Variants in TPM3 observed in about 807,000 individuals in gnomAD.
The protein encoded by TPM3 is tropomyosin alpha-3 chain.
In TPM3, 16 loss-of-function variants were observed where a neutral mutation model predicts 43.1. The ratio of observed to expected loss-of-function variants is 0.37; its 90% CI spans 0.25 to 0.56. TPM3 has a LOEUF of 0.56. Among genes scored for constraint, TPM3 ranks in the 20% least tolerant of loss-of-function variants. The probability of loss-of-function intolerance (pLI) is 0.77; values close to 1 mark genes in which losing one functional copy is unlikely to be tolerated. For missense variants in TPM3, 176 were observed against 337.2 expected (o/e 0.52, Z 3.74); for synonymous variants, 101 against 116.9 (o/e 0.86, Z 0.88).
intron 2 of TPM3, among the ~76,000 whole-genome samples, chr1:154,181,462 A>T (rs1662938031): frequency 6.6e-6 from 1 of 152,216 alleles, no homozygotes; most frequent in Non-Finnish European, 1.5e-5. Context: ...CTTTCACTGG[A>T]TCTTGAATTT....
rs1268580173 is a variant in TPM3, at chr1:154,167,600, A to C, written c.*337T>G. The stretch of plus-strand genomic sequence containing the variant: ...ATCAGCTGAGTTTAAATGTCAAGAA[A>C]AAATAGACACACACAAAAGTGGCTT... On this transcript the variant is annotated 3_prime_UTR_variant, in exon 10 of 10. Coordinates refer to ENST00000651641, the MANE Select transcript of TPM3 (RefSeq NM_152263.4). 3 of 1,214,458 alleles carry C rather than the reference A, an allele frequency of 2.5e-6. No homozygotes were observed. The African/African-American group carries it at 4.5e-5, about 18-fold the overall frequency. The allele number at this position is 1,214,458 out of a possible 1,614,324, so 75.2% of individuals were successfully genotyped here.
At chr1:154,159,231 AAG>A (rs1335094797), downstream of TPM3, among the ~76,000 whole-genome samples, 1 of 152,248 alleles carries the variant, frequency 6.6e-6, no homozygotes, top group Non-Finnish European at 1.5e-5. Context: ...AGAGGGCAAT[AAG>A]AGTCAGTCAG....
chr1:154,171,154 G>A, intron 6 of TPM3: 2 of 595,752 alleles, frequency 3.4e-6, no homozygotes, highest in Non-Finnish European at 6.0e-6. Flanking sequence ...TAGGGCCCTT[G>A]ATTATTGCTT....
downstream of TPM3, among the ~76,000 whole-genome samples, chr1:154,159,654 G>A (rs1194541998): frequency 6.6e-6 from 1 of 152,076 alleles, no homozygotes; most frequent in Non-Finnish European, 1.5e-5. Flanking sequence ...AACAAATAGT[G>A]TGCCTAGTCC....
chr1:154,167,123 G>C lies in TPM3; in HGVS notation c.*814C>G, dbSNP rs561328710. ...GAAATATGCATGATTGGTCATTTTA[G>C]TTTTCCCAATAATAATTTATCACTT... On this transcript the variant is annotated 3_prime_UTR_variant, in exon 10 of 10. Coordinates refer to ENST00000651641, the MANE Select transcript of TPM3 (RefSeq NM_152263.4). 6.6e-6 allele frequency among the ~76,000 whole-genome samples: 1 copy of C among 152,110 alleles called. No homozygotes were observed.
chr1:154,183,392 T>G (rs1205461332), intron 2 of TPM3: 4 of 1,183,184 alleles, frequency 3.4e-6, no homozygotes, highest in Non-Finnish European at 3.4e-6. Context: ...GGGACGGGGT[T>G]GGGACGAGGG....
At chr1:154,170,362 A>G (rs376734333) in intron 8 of TPM3, 38 bp downstream of exon 8, 6 of 1,603,560 alleles carry the variant, frequency 3.7e-6, no homozygotes, top group South Asian at 3.3e-5. Flanking sequence ...GTCTTCCTCT[A>G]TATTTCTCTA....
chr1:154,183,387 G>T, intron 2 of TPM3: 2 of 1,221,142 alleles, frequency 1.6e-6, no homozygotes, highest in Non-Finnish European at 2.2e-6. Flanking sequence ...AAACTGGGAC[G>T]GGGTTGGGAC....
At chr1:154,182,989 T>A (rs1443415308) in intron 2 of TPM3, 4 of 1,610,854 alleles carry the variant, frequency 2.5e-6, no homozygotes, top group Non-Finnish European at 2.5e-6. Flanking sequence ...TCTCCGTACC[T>A]GTTCCCGGGC....
intron 5 of TPM3, chr1:154,171,968 A>AACAAAAC: frequency 6.3e-7 from 1 of 1,591,362 alleles, no homozygotes; most frequent in Admixed American, 1.7e-5. Flanking sequence ...GCAAAACAAA[A>AACAAAAC]ACAAAACAAA....
At chr1:154,169,154 CCAAA>C (rs1453007409) in intron 9 of TPM3, 147 bp downstream of exon 9, 1 of 936,914 alleles carries the variant, frequency 1.1e-6, no homozygotes, top group Non-Finnish European at 1.7e-6. Flanking sequence ...AAAGCTTTTG[CCAAA>C]CAAATAACCA....
At chr1:154,156,602 A>C (rs1453738690), downstream of TPM3, 1 of 198,648 alleles carries the variant, frequency 5.0e-6, no homozygotes, top group African/African-American at 2.3e-5. Flanking sequence ...CAGCCCACGG[A>C]CTGCAGAGGC....
rs1660579750 is a variant in TPM3, at chr1:154,163,315, G to A, written c.*4622C>T. On this transcript the variant is annotated 3_prime_UTR_variant, in exon 10 of 10. Transcript: ENST00000651641. ...TGCTTGACTGCCACATGTGGCTAAT[G>A]TACTAGACATCATTACCAAAAGTTC... Among the ~76,000 whole-genome samples the A allele has an allele frequency of 6.6e-6, 1 of 152,152 alleles. No individual in the cohort carries two copies. The highest frequency in any genetic ancestry group is 2.4e-5 in the African/African-American group (1 of 41,418).
Position 154,189,746 on chromosome 1 carries a change from C to T in TPM3, c.243+1440G>A, listed in dbSNP as rs139197971. Among the ~76,000 whole-genome samples the T allele has an allele frequency of 1.4e-3, 202 of 140,164 alleles. 1 individual carries two copies. The highest frequency in any genetic ancestry group is 5.0e-3 in the African/African-American group (186 of 36,854). The allele number at this position is 140,164 out of a possible 152,430, so 92.0% of individuals were successfully genotyped here. A position where few individuals can be genotyped will look rare whatever the true frequency, so the allele number is the denominator to read the frequency against. ...CTGGGAGGTGGAGATGGCAGTGAGC[C>T]GAGATAGTACCATTTTATTACAGCC... On this transcript the variant is annotated intron_variant, in intron 2 of 9. Transcript: ENST00000651641.
chr1:154,176,281 C>A, intron 2 of TPM3, 33 bp from the exon 3 acceptor site: 1 of 1,614,004 alleles, frequency 6.2e-7, no homozygotes, highest in Admixed American at 1.7e-5. Flanking sequence ...ACAAGGGAAG[C>A]AGAGGCATGG....
chr1:154,170,565 C>T, intron 7 of TPM3, 84 bp downstream of exon 7: 2 of 1,594,668 alleles, frequency 1.3e-6, no homozygotes, highest in Non-Finnish European at 1.7e-6. Flanking sequence ...TTTCAGAACC[C>T]AAACCAGCCA....
At chr1:154,176,395 T>A in intron 2 of TPM3, 147 bp from the exon 3 acceptor site, 2 of 1,102,520 alleles carry the variant, frequency 1.8e-6, no homozygotes, top group Non-Finnish European at 2.7e-6. Context: ...TTAAAAGATC[T>A]AGCAGACATA....
intron 2 of TPM3, chr1:154,183,340 C>A (rs753904345): frequency 4.9e-6 from 7 of 1,439,910 alleles, no homozygotes; most frequent in Middle Eastern, 2.5e-4. Flanking sequence ...CTCCCAGTCG[C>A]CCTGGAGTAC....
intron 3 of TPM3, among the ~76,000 whole-genome samples, chr1:154,174,368 G>GTATATA (rs34224787): frequency 0.052 from 2,406 of 46,030 alleles, 160 homozygotes; most frequent in Non-Finnish European, 0.078. Context: ...AAATATATGT[G>GTATATA]TATATATATA....
Sources: gnomAD v4.1 joint callset for allele counts (sites outside exome capture counted in the v4.1 genomes callset) on GRCh38, gnomAD v4.1.1 for gene constraint, MANE v1.5 for transcripts, NCBI Gene and HGNC (gene_info 2026-07-23, HGNC 2026-07-21) for gene names.